Variants in ERMAP observed in about 807,000 individuals in gnomAD.
ERMAP encodes erythroblast membrane associated protein (Scianna blood group), also known as erythroid membrane-associated protein.
Under a neutral mutation model 49.5 loss-of-function variants are expected in ERMAP, and 34 were observed. That is an observed-to-expected ratio of 0.69 (90% confidence interval 0.52 to 0.91). The LOEUF (loss-of-function observed/expected upper bound fraction) is 0.91. ERMAP is among the 40% of genes least tolerant of loss of function. The pLI, the probability that ERMAP is intolerant of heterozygous loss-of-function variation, is 0.00. For missense variants in ERMAP, 541 were observed against 582.6 expected (o/e 0.93, Z 0.74); for synonymous variants, 214 against 232.2 (o/e 0.92, Z 0.71).
intron 2 of ERMAP, among the ~76,000 whole-genome samples, chr1:42,826,621 G>C (rs1291176909): frequency 6.6e-6 from 1 of 152,102 alleles, no homozygotes; most frequent in Non-Finnish European, 1.5e-5. Context: ...ACTTTGGGGG[G>C]CCGAGGAGGG....
At chr1:42,839,957 T>C (rs1202716016) in intron 8 of ERMAP, 76 bp from the exon 9 acceptor site, 2 of 1,417,254 alleles carry the variant, frequency 1.4e-6, no homozygotes, top group South Asian at 1.2e-5. Context: ...ATGGTTGGGA[T>C]GGGACTGTAG....
intron 4 of ERMAP, among the ~76,000 whole-genome samples, chr1:42,831,569 T>TTTTTTC (rs1553149737): frequency 5.3e-5 from 5 of 94,690 alleles, no homozygotes; most frequent in Non-Finnish European, 5.8e-5. Flanking sequence ...TTTTTTTTTT[T>TTTTTTC]TTTCTCTTTT....
chr1:42,839,572 T>C (rs1037098114), intron 8 of ERMAP: 6 of 190,678 alleles, frequency 3.1e-5, no homozygotes, highest in South Asian at 1.0e-4. Flanking sequence ...ATTGCACTAT[T>C]GTACTCCAGC....
chr1:42,829,268 A>G (rs1654643539), intron 2 of ERMAP, among the ~76,000 whole-genome samples: 1 of 152,210 alleles, frequency 6.6e-6, no homozygotes, highest in Non-Finnish European at 1.5e-5. Context: ...AGAAAACAGA[A>G]TTGGGTGTTT....
intron 6 of ERMAP, 21 bp downstream of exon 6, chr1:42,835,785 G>A (rs779040282): frequency 1.4e-5 from 23 of 1,599,192 alleles, no homozygotes; most frequent in Middle Eastern, 1.7e-4. Context: ...TTGGCTGGGG[G>A]GCAGGGGAGA....
chr1:42,837,823 C>G (rs1019266504), intron 7 of ERMAP: 2 of 152,350 alleles, frequency 1.3e-5, no homozygotes, highest in African/African-American at 4.8e-5. Flanking sequence ...TCTGGGAAGA[C>G]AAGTCACTGG....
rs200634704 is a variant in ERMAP at position 42,840,222 on chromosome 1, T to A, written c.685+44T>A. The A allele has an allele frequency of 5.1e-4, 818 of 1,614,052 alleles. 8 individuals are homozygous for A. The East Asian group carries it at 0.015, about 30-fold the overall frequency. On this transcript the variant is annotated intron_variant, in intron 10 of 11. Transcript: ENST00000372517. Reference sequence around the variant, plus strand: ...ACATTTGACCACCACCCTACAGGAGTTCTTGATGTCTCTGGTACTTTAATG... The same window carrying A: ...ACATTTGACCACCACCCTACAGGAGATCTTGATGTCTCTGGTACTTTAATG...
intron 1 of ERMAP, among the ~76,000 whole-genome samples, chr1:42,823,132 AC>A (rs1654445196): frequency 6.6e-6 from 1 of 152,224 alleles, no homozygotes; most frequent in Non-Finnish European, 1.5e-5. Flanking sequence ...TTGATAAGAC[AC>A]CAAAACTCAG....
At position 42,826,817 on chromosome 1, in the gene ERMAP, C is replaced by A. The variant is rs559144357; in HGVS notation, c.-6+1079C>A. Among the ~76,000 whole-genome samples the A allele has an allele frequency of 4.9e-3, 720 of 148,124 alleles. 4 individuals are homozygous for A. The highest frequency in any genetic ancestry group is 8.7e-3 in the Non-Finnish European group (585 of 67,568). On this transcript the variant is annotated intron_variant, in intron 2 of 11. Transcript: ENST00000372517. ...GTTGCAGTGATCTGAGATCATGCCA[C>A]TGCACTCCAGCTTGGCGGCAGAGTG... is the stretch of plus-strand genomic sequence containing the variant.
intron 1 of ERMAP, among the ~76,000 whole-genome samples, chr1:42,824,999 T>A (rs1285193868): frequency 6.6e-6 from 1 of 152,180 alleles, no homozygotes; most frequent in Non-Finnish European, 1.5e-5. Context: ...TCTGCTAGAC[T>A]CAGAAGCTAA....
At chr1:42,837,378 G>C (rs932030148) in intron 7 of ERMAP, among the ~76,000 whole-genome samples, 188 bp downstream of exon 7, 1 of 152,082 alleles carries the variant, frequency 6.6e-6, no homozygotes, top group African/African-American at 2.4e-5. Context: ...TGTGGCAGTG[G>C]GTAAGGAGGT....
Position 42,819,467 on chromosome 1 carries a change from T to C in ERMAP, c.-122+2214T>C, listed in dbSNP as rs1251666720. 6.6e-6 allele frequency among the ~76,000 whole-genome samples: 1 copy of C among 152,164 alleles called. No individual in the cohort carries two copies. The highest frequency in any genetic ancestry group is 1.5e-5 in the Non-Finnish European group (1 of 68,032). ...ATGCTTTGTCTGTCTCTTTTGTGTC[T>C]ACCAGTGGACTCTTGGCCAGGCTGC... On this transcript the variant is annotated intron_variant, in intron 1 of 11. Transcript: ENST00000372517. The surrounding 1 kb of genome is among the most constrained non-coding windows in gnomAD (Gnocchi z 5.1).
chr1:42,835,531 A>C (rs1298900108), intron 5 of ERMAP, among the ~76,000 whole-genome samples: 1 of 152,180 alleles, frequency 6.6e-6, no homozygotes, highest in Non-Finnish European at 1.5e-5. Flanking sequence ...GCTGCAAGGG[A>C]CTTTGAAAGT....
chr1:42,818,962 G>A (rs764392480), intron 1 of ERMAP, among the ~76,000 whole-genome samples: 1 of 152,030 alleles, frequency 6.6e-6, no homozygotes, highest in Non-Finnish European at 1.5e-5. Flanking sequence ...GGTTTATAAC[G>A]TTCATATAAG....
chr1:42,821,464 T>G (rs1172963047), intron 1 of ERMAP, among the ~76,000 whole-genome samples: 1 of 152,168 alleles, frequency 6.6e-6, no homozygotes, highest in Non-Finnish European at 1.5e-5. Context: ...AAAGAACATT[T>G]CAGATAAGAA....
In ERMAP at chr1:42,844,870, T is replaced by C. The variant is rs1347292869; in HGVS notation, c.*1638T>C. ...ACACTCAGAATAATGTTTGACCAAA[T>C]AGCTGGGCATCTTGTGACCCAGTTA... On this transcript the variant is annotated 3_prime_UTR_variant, in exon 12 of 12. Coordinates refer to ENST00000372517, the MANE Select transcript of ERMAP (RefSeq NM_001017922.2). The surrounding 1 kb of genome is among the most constrained non-coding windows in gnomAD (Gnocchi z 4.0). 1 of 152,230 alleles carries C rather than the reference T, an allele frequency of 6.6e-6. No individual in the cohort carries two copies. The allele number at this position is 152,230 out of a possible 1,614,324, so 9.4% of individuals were successfully genotyped here.
chr1:42,836,279 G>A (rs1266476706), intron 6 of ERMAP, among the ~76,000 whole-genome samples: 3 of 152,206 alleles, frequency 2.0e-5, no homozygotes, highest in Non-Finnish European at 2.9e-5. Flanking sequence ...TGAGGGTTGA[G>A]GGTATGAAGT....
intron 2 of ERMAP, among the ~76,000 whole-genome samples, chr1:42,827,403 G>A (rs1023541906): frequency 6.6e-6 from 1 of 152,150 alleles, no homozygotes; most frequent in African/African-American, 2.4e-5. Context: ...TCAAACTCCT[G>A]GGCTCAAGCA....
intron 7 of ERMAP, 32 bp downstream of exon 7, chr1:42,837,222 C>T (rs1032960554): frequency 3.0e-5 from 47 of 1,592,584 alleles, no homozygotes; most frequent in Non-Finnish European, 3.7e-5. Context: ...GGGTAGGGAA[C>T]AAAAAACACA....
Sources: allele counts gnomAD v4.1 joint callset (sites outside exome capture counted in the v4.1 genomes callset), GRCh38; gene constraint gnomAD v4.1.1; non-coding constraint Gnocchi (gnomAD v3.1); transcripts MANE v1.5; gene names NCBI Gene and HGNC (gene_info 2026-07-23, HGNC 2026-07-21).